The following WIF1 variants were observed in gnomAD, a reference collection of about 807,000 sequenced individuals.
WIF1 encodes Wnt inhibitory factor 1.
Under a neutral mutation model 53.5 loss-of-function variants are expected in WIF1, and 35 were observed. That is an observed-to-expected ratio of 0.65 (90% CI 0.50 to 0.87). WIF1 has a LOEUF of 0.87. Among genes scored for constraint, WIF1 ranks in the 40% least tolerant of loss-of-function variants. WIF1 has a pLI of 0.00. For synonymous variants in WIF1, 171 were observed against 170.4 expected, an observed-to-expected ratio of 1.00 and a Z score of -0.03; for missense variants, 467 against 476.8, an observed-to-expected ratio of 0.98 and a Z score of 0.19.
chr12:65,075,073 A>T (rs1484590928), intron 3 of WIF1, among the ~76,000 whole-genome samples: 1 of 152,146 alleles, frequency 6.6e-6, no homozygotes, highest in African/African-American at 2.4e-5. Context: ...CCCAGAACCC[A>T]AACACGTCTA....
At chr12:65,072,082 C>G (rs529254438) in intron 3 of WIF1, among the ~76,000 whole-genome samples, 96 of 151,980 alleles carry the variant, frequency 6.3e-4, no homozygotes, top group Non-Finnish European at 5.9e-4. Context: ...AATTAAACAC[C>G]TTTTAAAAGT....
Position 65,077,833 on chromosome 12 carries a change from G to C in WIF1, c.310C>G (p.Leu104Val), listed in dbSNP as rs1882887985. The change falls in exon 3 of 10, where the codon CTG (leucine) becomes GTG (valine). Residue 104 changes from leucine to valine, a missense_variant. Leu to Val is a conservative substitution (Grantham distance 32, BLOSUM62 1). Transcript: ENST00000286574. ...AGQAEYFYEFLSLRSLDKGIM... is the reference protein window; with the variant it reads ...AGQAEYFYEFVSLRSLDKGIM... ...CCTTTATCCAGGGAGCGCAAGGACAGGAATTCATAGAAGTATTCTGCCTAC... is the reference window on the plus strand; with the variant it reads ...CCTTTATCCAGGGAGCGCAAGGACACGAATTCATAGAAGTATTCTGCCTAC... 6.2e-7 allele frequency: 1 copy of C among 1,613,558 alleles called. No homozygotes were observed. Among genetic ancestry groups the C allele is most frequent in the African/African-American group, 1.3e-5 (1 of 74,888 alleles).
intron 2 of WIF1, among the ~76,000 whole-genome samples, chr12:65,084,410 C>T (rs1883004046): frequency 1.3e-5 from 2 of 152,174 alleles, no homozygotes; most frequent in Admixed American, 6.5e-5. Flanking sequence ...TCACTACTCC[C>T]CAACAGGCAT....
At chr12:65,061,899 C>T (rs976432622) in intron 7 of WIF1, among the ~76,000 whole-genome samples, 1 of 152,342 alleles carries the variant, frequency 6.6e-6, no homozygotes, top group East Asian at 1.9e-4. Flanking sequence ...AAGATGGGAT[C>T]ATGCAGTAGG....
chr12:65,074,932 G>A lies in WIF1; in HGVS notation c.397+2814C>T, dbSNP rs142388344. On this transcript the variant is annotated intron_variant, in intron 3 of 9. Transcript: ENST00000286574. Reference sequence around the variant, plus strand: ...ACCATATTCCAAGAATTTGGTGGCTGGAGTGTCTTTCTCTTCTCCACAAGG... The same window carrying A: ...ACCATATTCCAAGAATTTGGTGGCTAGAGTGTCTTTCTCTTCTCCACAAGG... Among the ~76,000 whole-genome samples, 310 of 152,124 alleles carry A rather than the reference G, an allele frequency of 2.0e-3. 1 individual carries two copies. The highest frequency in any genetic ancestry group is 7.1e-3 in the African/African-American group (295 of 41,514).
chr12:65,101,643 T>C (rs1883283463), intron 2 of WIF1, among the ~76,000 whole-genome samples: 1 of 152,216 alleles, frequency 6.6e-6, no homozygotes. Flanking sequence ...TAAATTCAAA[T>C]GCAAAACTAA....
intron 3 of WIF1, among the ~76,000 whole-genome samples, chr12:65,075,435 AAG>A (rs1487068853): frequency 1.3e-5 from 2 of 152,182 alleles, no homozygotes. Context: ...TTTTTTTAAA[AAG>A]AGAGAGTATG....
chr12:65,055,111 C>T lies in WIF1; in HGVS notation c.1018+7G>A. Reference sequence around the variant, plus strand: ...CTTGTTTACAACTTTTTATTTCTCCCACTCACTTTTATTGCAGTGTCTTCC... The same window carrying T: ...CTTGTTTACAACTTTTTATTTCTCCTACTCACTTTTATTGCAGTGTCTTCC... On this transcript the variant is annotated splice_region_variant and intron_variant, in intron 9 of 9. Coordinates refer to ENST00000286574, the MANE Select transcript of WIF1 (RefSeq NM_007191.5). The T allele has an allele frequency of 6.2e-7, 1 of 1,610,920 alleles. No homozygotes were observed. The highest frequency in any genetic ancestry group is 8.5e-7 in the Non-Finnish European group (1 of 1,179,150).
intron 3 of WIF1, among the ~76,000 whole-genome samples, chr12:65,074,681 G>T (rs1001563528): frequency 4.6e-5 from 7 of 151,724 alleles, no homozygotes; most frequent in African/African-American, 1.5e-4. Context: ...AGCCAGGCAT[G>T]GTGGCATGCT....
intron 3 of WIF1, among the ~76,000 whole-genome samples, chr12:65,072,154 T>C (rs1882793825): frequency 6.6e-6 from 1 of 152,154 alleles, no homozygotes; most frequent in South Asian, 2.1e-4. Flanking sequence ...TCTCCAGTAA[T>C]TGCCTTTTGT....
intron 3 of WIF1, among the ~76,000 whole-genome samples, chr12:65,073,062 G>A (rs1352303107): frequency 6.6e-6 from 1 of 152,152 alleles, no homozygotes; most frequent in East Asian, 1.9e-4. Context: ...AGATGGGCAT[G>A]GTGCTCAGAT....
At chr12:65,074,830 A>AAAG (rs952370902) in intron 3 of WIF1, among the ~76,000 whole-genome samples, 4 of 142,138 alleles carry the variant, frequency 2.8e-5, no homozygotes, top group Non-Finnish European at 6.3e-5. Context: ...AAAAAAAAAA[A>AAAG]AAAAAAAAGA....
At chr12:65,082,049 T>C (rs976821734) in intron 2 of WIF1, among the ~76,000 whole-genome samples, 1 of 152,080 alleles carries the variant, frequency 6.6e-6, no homozygotes, top group Non-Finnish European at 1.5e-5. Context: ...AGTAAATATA[T>C]CCTTCATTTA....
At chr12:65,076,687 CTAT>C (rs1197859810) in intron 3 of WIF1, among the ~76,000 whole-genome samples, 6 of 151,956 alleles carry the variant, frequency 3.9e-5, no homozygotes, top group Admixed American at 2.0e-4. Context: ...AATAGGGCTC[CTAT>C]GTGCATGGAA....
intron 7 of WIF1, among the ~76,000 whole-genome samples, chr12:65,056,543 A>G (rs1212715021): frequency 6.6e-6 from 1 of 151,338 alleles, no homozygotes; most frequent in Non-Finnish European, 1.5e-5. Context: ...TTTTTAATAA[A>G]CAGAATAATC....
chr12:65,116,197 A>C (rs1883506106), intron 2 of WIF1, among the ~76,000 whole-genome samples: 1 of 152,182 alleles, frequency 6.6e-6, no homozygotes, highest in South Asian at 2.1e-4. Context: ...TATATTATAC[A>C]CCAGGGGTCC....
At chr12:65,109,046 T>C (rs1883390646) in intron 2 of WIF1, among the ~76,000 whole-genome samples, 1 of 152,204 alleles carries the variant, frequency 6.6e-6, no homozygotes, top group Non-Finnish European at 1.5e-5. Context: ...CCAAACTTAT[T>C]TCTTAGACCC....
intron 2 of WIF1, among the ~76,000 whole-genome samples, chr12:65,079,235 G>A (rs1336461666): frequency 6.8e-6 from 1 of 146,886 alleles, no homozygotes; most frequent in African/African-American, 2.7e-5. Context: ...GCAAGAAAAG[G>A]GATCAATGTT....
At chr12:65,081,823 TA>T (rs2136624056) in intron 2 of WIF1, among the ~76,000 whole-genome samples, 1 of 151,862 alleles carries the variant, frequency 6.6e-6, no homozygotes, top group African/African-American at 2.4e-5. Flanking sequence ...ATTGCCTCTT[TA>T]AAAATTCTAA....
Sources: gnomAD v4.1 joint callset for allele counts (sites outside exome capture counted in the v4.1 genomes callset) on GRCh38, gnomAD v4.1.1 for gene constraint, MANE v1.5 for transcripts, NCBI Gene and HGNC (gene_info 2026-07-23, HGNC 2026-07-21) for gene names.